The following RECQL5 variants were observed in gnomAD, a reference collection of about 807,000 sequenced individuals.
The protein encoded by RECQL5 is ATP-dependent DNA helicase Q5.
RECQL5 carries 88 observed loss-of-function variants against 103.4 expected under a neutral mutation model. The ratio of observed to expected loss-of-function variants is 0.85; its 90% confidence interval spans 0.72 to 1.02. RECQL5 has a LOEUF of 1.02. Among genes scored for constraint, RECQL5 ranks in the 50% least tolerant of loss-of-function variants. The pLI is 0.00. For synonymous variants in RECQL5, 552 were observed against 507.9 expected (o/e 1.09, Z -1.17); for missense variants, 1,232 against 1,284.3 (o/e 0.96, Z 0.62).
intron 8 of RECQL5, chr17:75,647,647 C>A: frequency 7.3e-7 from 1 of 1,376,254 alleles, no homozygotes; most frequent in Non-Finnish European, 9.9e-7. Flanking sequence ...CTTCGCGGTT[C>A]CCTCTGGCTC....
Position 75,662,726 on chromosome 17 carries a change from C to A in RECQL5, c.524G>T (p.Arg175Leu), listed in dbSNP as rs192913858. 2 of 1,613,998 alleles carry A rather than the reference C, an allele frequency of 1.2e-6. No homozygotes were observed. Among genetic ancestry groups the A allele is most frequent in the Non-Finnish European group, 1.7e-6 (2 of 1,180,042 alleles). ...WGHDFRPDYL[R>L]LGALRSRLGH... Reference sequence around the variant, plus strand: ...CAGGCGGGAGCGCAGGGCACCCAGACGCAAGTAGTCAGGACGAAAGTCATG... The same window carrying A: ...CAGGCGGGAGCGCAGGGCACCCAGAAGCAAGTAGTCAGGACGAAAGTCATG... The change falls in exon 4 of 20, where the codon CGT becomes CTT. Residue 175 changes from arginine to leucine, a missense_variant. By Grantham distance (102) the Arg-to-Leu change is moderately radical. Coordinates refer to ENST00000317905, the MANE Select transcript of RECQL5 (RefSeq NM_004259.7).
intron 4 of RECQL5, 23 bp from the exon 5 acceptor site, chr17:75,661,731 A>G: frequency 6.4e-7 from 1 of 1,565,912 alleles, no homozygotes; most frequent in Non-Finnish European, 8.8e-7. Flanking sequence ...ATGCAGGAAG[A>G]AAATAAGCAT....
chr17:75,655,450 G>A (rs1345795816), intron 7 of RECQL5, among the ~76,000 whole-genome samples: 3 of 146,956 alleles, frequency 2.0e-5, no homozygotes, highest in African/African-American at 5.1e-5. Flanking sequence ...TGCAAGCTCC[G>A]CCTTCCGGGT....
At chr17:75,635,192 C>G (rs895860632) in intron 8 of RECQL5, among the ~76,000 whole-genome samples, 2 of 152,216 alleles carry the variant, frequency 1.3e-5, no homozygotes, top group Non-Finnish European at 2.9e-5. Flanking sequence ...TCAGCAGAGG[C>G]TGGGGGCTTC....
At chr17:75,635,098 G>A (rs2059294137) in intron 8 of RECQL5, among the ~76,000 whole-genome samples, 1 of 152,200 alleles carries the variant, frequency 6.6e-6, no homozygotes, top group Non-Finnish European at 1.5e-5. Context: ...TTTCCTCAAA[G>A]CAAACAAGCT....
Position 75,640,776 on chromosome 17 carries a change from C to T in RECQL5, c.1230-9108G>A, listed in dbSNP as rs1372497669. On this transcript the variant is annotated intron_variant, in intron 8 of 19. Transcript: ENST00000317905. This position sits in a 1 kb window ranked among gnomAD's most constrained non-coding sequence, Gnocchi z 4.6. The stretch of plus-strand genomic sequence containing the variant: ...TCCCCCAACCTGAGTCCCGTGCTCT[C>T]TCCCGGCCCTCCAGCTACTGTTCTG... The T allele has an allele frequency of 5.8e-6, 9 of 1,549,096 alleles. No individual in the cohort carries two copies. Among genetic ancestry groups the T allele is most frequent in the Non-Finnish European group, 6.1e-6 (7 of 1,146,062 alleles).
chr17:75,665,288 G>T, intron 2 of RECQL5, 116 bp from the exon 3 acceptor site: 1 of 912,568 alleles, frequency 1.1e-6, no homozygotes, highest in Non-Finnish European at 1.7e-6. Context: ...ACATGGGAGG[G>T]TCTCGATGTA....
At chr17:75,631,095 T>G in intron 10 of RECQL5, 55 bp downstream of exon 10, 1 of 1,610,484 alleles carries the variant, frequency 6.2e-7, no homozygotes, top group East Asian at 2.2e-5. Flanking sequence ...GGCTGAGAGG[T>G]GCGAGCAGGG....
intron 6 of RECQL5, among the ~76,000 whole-genome samples, chr17:75,659,445 C>T (rs1171680289): frequency 6.6e-6 from 1 of 152,196 alleles, no homozygotes; most frequent in African/African-American, 2.4e-5. Context: ...GCAGCCTCAA[C>T]CCCCGGCCTC....
chr17:75,658,565 GGA>G (rs2059657595), intron 6 of RECQL5, 105 bp from the exon 7 acceptor site: 2 of 1,029,396 alleles, frequency 1.9e-6, no homozygotes, highest in South Asian at 1.4e-5. Context: ...AGATAGGGAG[GGA>G]GAGGGATAGT....
chr17:75,629,798 G>A lies in RECQL5; in HGVS notation c.1857C>T (p.Asp619=), dbSNP rs563521056. 3.3e-5 allele frequency: 53 copies of A among 1,613,498 alleles called. No individual in the cohort carries two copies. The African/African-American group carries it at 6.0e-4, about 18-fold the overall frequency. ...HRASKDGQPY[D]MGGSAKSCSA... ...TGCAGCTCTTGGCACTGCCTCCCAT[G>A]TCATAGGGCTGCCCATCCTTGGAGG... is the stretch of plus-strand genomic sequence containing the variant. Residue 619 remains aspartate (D), a synonymous_variant, in exon 15 of 20, where the codon GAC becomes GAT. Transcript: ENST00000317905.
rs375798313 is a variant in RECQL5 at position 75,627,482 on chromosome 17, A to G, written c.2916T>C (p.His972=). The change falls in exon 20 of 20, where the codon CAT becomes CAC. Residue 972 remains histidine (H), a synonymous_variant. Transcript: ENST00000317905. ...EAQNLIRHFF[H]GRARCESEAD... ...CTTCGCTCTCGCACCGGGCCCGGCC[A>G]TGGAAGAAGTGCCTGATGAGGTTCT... 5.6e-6 allele frequency: 9 copies of G among 1,613,866 alleles called. No individual in the cohort carries two copies. The highest frequency in any genetic ancestry group is 4.4e-5 in the South Asian group (4 of 91,088).
At chr17:75,631,425 G>A (rs1236213151) in intron 9 of RECQL5, 25 bp downstream of exon 9, 1 of 1,600,058 alleles carries the variant, frequency 6.2e-7, no homozygotes, top group East Asian at 2.2e-5. Context: ...CAGCGGGTTG[G>A]AGCCCTGGCT....
At chr17:75,659,312 G>A (rs1018543928) in intron 6 of RECQL5, among the ~76,000 whole-genome samples, 1 of 152,028 alleles carries the variant, frequency 6.6e-6, no homozygotes, top group Non-Finnish European at 1.5e-5. Flanking sequence ...CGCCTGCCTC[G>A]GCCTCCCAAA....
intron 6 of RECQL5, among the ~76,000 whole-genome samples, chr17:75,659,993 T>C (rs1454397409): frequency 6.6e-6 from 1 of 152,200 alleles, no homozygotes; most frequent in Non-Finnish European, 1.5e-5. Context: ...CCTTTGACCT[T>C]CCACAGGGAG....
intron 7 of RECQL5, among the ~76,000 whole-genome samples, chr17:75,655,964 G>A (rs535305665): frequency 5.3e-4 from 81 of 152,242 alleles, no homozygotes; most frequent in Non-Finnish European, 9.0e-4. Context: ...TTACAGGCAA[G>A]AGCCACTGCT....
In RECQL5 at chr17:75,629,331, A is replaced by C; in HGVS notation, c.2092T>G (p.Cys698Gly). 1 of 1,531,426 alleles carries C rather than the reference A, an allele frequency of 6.5e-7. No homozygotes were observed. Among genetic ancestry groups the C allele is most frequent in the East Asian group, 2.3e-5 (1 of 43,778 alleles). 94.9% of individuals were successfully genotyped at this position (1,531,426 alleles called of 1,614,324 possible). ...GGEHEPPSRP[C>G]GLLDEDGSEP... is the part of the protein sequence containing the mutation. ...CTCCCATCCTCATCCAGGAGGCCAC[A>C]GGGCCGGCTCGGGGGCTCGTGCTCG... is the stretch of plus-strand genomic sequence containing the variant. Residue 698 changes from cysteine (C) to glycine (G), a missense_variant, in exon 16 of 20, where the codon TGT becomes GGT. By Grantham distance (159) the Cys-to-Gly change is radical. Coordinates refer to ENST00000317905, the MANE Select transcript of RECQL5 (RefSeq NM_004259.7).
Position 75,666,492 on chromosome 17 carries a change from C to A in RECQL5, c.66G>T (p.Lys22Asn), listed in dbSNP as rs570464439. The change falls in exon 2 of 20, where the codon AAG becomes AAT. Residue 22 changes from lysine (K) to asparagine (N), a missense_variant. Coordinates refer to ENST00000317905, the MANE Select transcript of RECQL5 (RefSeq NM_004259.7). ...PERRVRSTLK[K>N]VFGFDSFKTP... ...TCTTAAAAGAGTCAAACCCAAAGAC[C>A]TTCTTCAGCGTACTCCGGACTCGCC... 1.5e-5 allele frequency: 24 copies of A among 1,613,998 alleles called. No homozygotes were observed. Among genetic ancestry groups the A allele is most frequent in the Non-Finnish European group, 1.9e-5 (23 of 1,180,036 alleles).
chr17:75,642,076 G>C (rs1156596677), intron 8 of RECQL5, among the ~76,000 whole-genome samples: 1 of 152,130 alleles, frequency 6.6e-6, no homozygotes, highest in East Asian at 1.9e-4. Context: ...AGGGCAACAG[G>C]GACCCATTTT....
Sources: gnomAD v4.1 joint callset for allele counts (sites outside exome capture counted in the v4.1 genomes callset) on GRCh38, gnomAD v4.1.1 for gene constraint, Gnocchi (gnomAD v3.1) non-coding constraint, MANE v1.5 for transcripts, NCBI Gene and HGNC (gene_info 2026-07-23, HGNC 2026-07-21) for gene names.